Variants in VPS13D observed in about 807,000 individuals in gnomAD.
VPS13D encodes the protein vacuolar protein sorting 13 homolog D, also known as intermembrane lipid transfer protein VPS13D.
In VPS13D, 187 loss-of-function variants were observed where a neutral mutation model predicts 461.9. The ratio of observed to expected loss-of-function variants is 0.40; its 90% CI spans 0.36 to 0.46. The LOEUF (loss-of-function observed/expected upper bound fraction) is 0.46. Ranked by LOEUF, VPS13D falls within the 20% of genes least tolerant of loss-of-function variation. VPS13D has a pLI of 0.60. For missense variants in VPS13D, 4,711 were observed against 5,364.9 expected, an observed-to-expected ratio of 0.88 and a Z score of 3.81; for synonymous variants, 1,951 against 1,986.3, an observed-to-expected ratio of 0.98 and a Z score of 0.47.
chr1:12,356,677 G>A (rs891132549), intron 49 of VPS13D, among the ~76,000 whole-genome samples, 153 bp downstream of exon 49: 1 of 152,184 alleles, frequency 6.6e-6, no homozygotes, highest in South Asian at 2.1e-4. Context: ...TGGGATTTTT[G>A]GGGATCTAAT....
At chr1:12,480,341 G>A (rs1256792499) in intron 67 of VPS13D, among the ~76,000 whole-genome samples, 2 of 152,212 alleles carry the variant, frequency 1.3e-5, no homozygotes, top group Non-Finnish European at 2.9e-5. Flanking sequence ...GTATGTCATA[G>A]CCATCTCCTT....
intron 35 of VPS13D, 77 bp downstream of exon 35, chr1:12,323,857 C>A: frequency 6.8e-7 from 1 of 1,471,146 alleles, no homozygotes; most frequent in Non-Finnish European, 9.5e-7. Context: ...CTTACTTCCA[C>A]AAGGTGACTT....
intron 35 of VPS13D, among the ~76,000 whole-genome samples, chr1:12,325,883 A>G (rs868714392): frequency 6.6e-6 from 1 of 151,398 alleles, no homozygotes; most frequent in Non-Finnish European, 1.5e-5. Flanking sequence ...ACTTTTGTCT[A>G]TGTCTTTTAA....
chr1:12,373,922 C>A, intron 55 of VPS13D, 64 bp downstream of exon 55: 1 of 1,279,144 alleles, frequency 7.8e-7, no homozygotes, highest in Non-Finnish European at 1.1e-6. Flanking sequence ...GACTCAGGAT[C>A]ACCCAGTGCA....
At chr1:12,325,881 C>T (rs994108731) in intron 35 of VPS13D, among the ~76,000 whole-genome samples, 4 of 151,618 alleles carry the variant, frequency 2.6e-5, no homozygotes, top group Admixed American at 2.6e-4. Context: ...GAACTTTTGT[C>T]TATGTCTTTT....
chr1:12,414,987 A>C (rs1424428531), intron 63 of VPS13D, 100 bp from the exon 64 acceptor site: 2 of 1,420,678 alleles, frequency 1.4e-6, no homozygotes, highest in African/African-American at 1.4e-5. Flanking sequence ...CCTCATTCGA[A>C]AGTTAACATG....
At chr1:12,378,697 T>C in intron 56 of VPS13D, 106 bp downstream of exon 56, 15 of 1,215,736 alleles carry the variant, frequency 1.2e-5, no homozygotes, top group Non-Finnish European at 1.6e-5. Flanking sequence ...TAAAAATGTA[T>C]ATTTTTTTCA....
At chr1:12,282,578 T>G in intron 20 of VPS13D, 127 bp from the exon 21 acceptor site, 1 of 902,784 alleles carries the variant, frequency 1.1e-6, no homozygotes, top group Non-Finnish European at 1.7e-6. Context: ...TGAAAAGAGA[T>G]AGTCTTTGCT....
intron 44 of VPS13D, 81 bp from the exon 45 acceptor site, chr1:12,348,742 G>T: frequency 1.3e-6 from 2 of 1,525,750 alleles, no homozygotes; most frequent in East Asian, 4.6e-5. Flanking sequence ...CACTTTTAAG[G>T]TAGACATTCT....
intron 20 of VPS13D, among the ~76,000 whole-genome samples, chr1:12,280,583 A>G (rs1412698953): frequency 6.7e-6 from 1 of 148,438 alleles, no homozygotes; most frequent in Non-Finnish European, 1.5e-5. Context: ...TCTGCCTCCC[A>G]GATTCAAGCA....
intron 50 of VPS13D, among the ~76,000 whole-genome samples, 168 bp from the exon 51 acceptor site, chr1:12,362,552 G>A (rs1334227475): frequency 6.6e-6 from 1 of 152,208 alleles, no homozygotes; most frequent in Non-Finnish European, 1.5e-5. Flanking sequence ...ATAATACTTT[G>A]AGTACAATTG....
At chr1:12,345,965 C>A (rs557752051) in intron 43 of VPS13D, among the ~76,000 whole-genome samples, 2 of 152,128 alleles carry the variant, frequency 1.3e-5, no homozygotes, top group Non-Finnish European at 2.9e-5. Context: ...CATGCTCTCA[C>A]ATACCCTTCC....
At chr1:12,450,218 G>T (rs758082587) in intron 65 of VPS13D, among the ~76,000 whole-genome samples, 1 of 152,146 alleles carries the variant, frequency 6.6e-6, no homozygotes, top group Non-Finnish European at 1.5e-5. Flanking sequence ...CCACCAGCAT[G>T]CGTGTTTGGT....
intron 1 of VPS13D, among the ~76,000 whole-genome samples, chr1:12,232,637 C>CTTTTTTTTTTTT (rs772757546): frequency 8.4e-5 from 6 of 71,022 alleles, no homozygotes; most frequent in Admixed American, 1.9e-4. Context: ...TAAAATTAGT[C>CTTTTTTTTTTTT]TTTTTTTTTT....
At chr1:12,399,118 C>T (rs146738332) in intron 60 of VPS13D, among the ~76,000 whole-genome samples, 1 of 152,192 alleles carries the variant, frequency 6.6e-6, no homozygotes, top group East Asian at 1.9e-4. Context: ...CATAGTATCA[C>T]CTGTTTTATT....
At chr1:12,310,797 C>CCTTCCT (rs1642716909) in intron 27 of VPS13D, among the ~76,000 whole-genome samples, 6 of 114,554 alleles carry the variant, frequency 5.2e-5, no homozygotes, top group Admixed American at 2.8e-4. Flanking sequence ...CCTTCCTTCC[C>CCTTCCT]TCCCTCCCTC....
chr1:12,396,025 A>G lies in VPS13D; in HGVS notation c.11635-4156A>G, dbSNP rs186844632. 4.0e-3 allele frequency among the ~76,000 whole-genome samples: 507 copies of G among 127,186 alleles called. 46 individuals carry two copies. Among genetic ancestry groups the G allele is most frequent in the African/African-American group, 0.016 (497 of 31,426 alleles). The allele number at this position is 127,186 out of a possible 152,430, so 83.4% of individuals were successfully genotyped here. On this transcript the variant is annotated intron_variant, in intron 60 of 69. Coordinates refer to ENST00000620676, the MANE Select transcript of VPS13D (RefSeq NM_015378.4). ...TATATATATATATATATATATATAT[A>G]TATAGTTCTTTAAGATCAATAAAAT... is the stretch of plus-strand genomic sequence containing the variant.
In VPS13D at chr1:12,507,215, G is replaced by T; in HGVS notation, c.13035+122G>T. On this transcript the variant is annotated intron_variant, in intron 69 of 69. Coordinates refer to ENST00000620676, the MANE Select transcript of VPS13D (RefSeq NM_015378.4). The surrounding 1 kb of genome is among the most constrained non-coding windows in gnomAD (Gnocchi z 5.3). ...GGTTGAGGCTGGGCCCTTCCCAGGA[G>T]TGCTGCCTCTCAGTCCTGAACATGG... The T allele has an allele frequency of 6.4e-7, 1 of 1,552,626 alleles. No individual in the cohort carries two copies.
intron 65 of VPS13D, among the ~76,000 whole-genome samples, chr1:12,445,243 G>T (rs1189184589): frequency 2.0e-5 from 3 of 152,162 alleles, no homozygotes; most frequent in African/African-American, 4.8e-5. Flanking sequence ...ATAAACAAGG[G>T]TTAATTAGTT....
Sources: gnomAD v4.1 joint callset for allele counts (sites outside exome capture counted in the v4.1 genomes callset) on GRCh38, gnomAD v4.1.1 for gene constraint, Gnocchi (gnomAD v3.1) non-coding constraint, MANE v1.5 for transcripts, NCBI Gene and HGNC (gene_info 2026-07-23, HGNC 2026-07-21) for gene names.